The following RASA1 variants were observed in gnomAD, a reference collection of about 807,000 sequenced individuals.
The protein encoded by RASA1 is RAS p21 protein activator 1.
A neutral mutation model predicts 132.2 loss-of-function variants in RASA1; 25 were observed. The ratio of observed to expected loss-of-function variants is 0.19; its 90% CI spans 0.14 to 0.26. The LOEUF (loss-of-function observed/expected upper bound fraction) is 0.26. Among genes scored for constraint, RASA1 ranks in the 10% least tolerant of loss-of-function variants. The probability of loss-of-function intolerance (pLI) is 1.00; values close to 1 mark genes in which losing one functional copy is unlikely to be tolerated. For missense variants in RASA1, 964 were observed against 1,299.2 expected, an observed-to-expected ratio of 0.74 and a Z score of 3.97; for synonymous variants, 477 against 449.9, an observed-to-expected ratio of 1.06 and a Z score of -0.76.
intron 1 of RASA1, among the ~76,000 whole-genome samples, chr5:87,295,137 G>A (rs143208410): frequency 2.0e-4 from 31 of 152,158 alleles, no homozygotes; most frequent in Middle Eastern, 6.8e-3. Context: ...AGTTGGCTCC[G>A]TCTGAAATTA....
In RASA1 at chr5:87,287,133, A is replaced by ATATATATACACACCGTATATATACACTG. The variant is rs1374269206; in HGVS notation, c.539+18158_539+18185dup. Among the ~76,000 whole-genome samples, 7 of 144,690 alleles carry ATATATATACACACCGTATATATACACTG rather than the reference A, an allele frequency of 4.8e-5. No individual in the cohort carries two copies. In the East Asian group the frequency reaches 1.0e-3, roughly 21 times the overall value. The allele number at this position is 144,690 out of a possible 152,430, so 94.9% of individuals were successfully genotyped here. Reference sequence around the variant, plus strand: ...TACACACCATATATATACACACCATATATATATACACACCGTATATATACA... The same window carrying ATATATATACACACCGTATATATACACTG: ...TACACACCATATATATACACACCATATATATATACACACCGTATATATACACTGTATATATACACACCGTATATATACA... On this transcript the variant is annotated intron_variant, in intron 1 of 24. Transcript: ENST00000274376.
chr5:87,336,222 T>C (rs143499071), intron 4 of RASA1, among the ~76,000 whole-genome samples: 1,777 of 152,298 alleles, frequency 0.012, 20 homozygotes, highest in Non-Finnish European at 0.014. Flanking sequence ...TTTCATATTT[T>C]TAATGAGCTA....
At chr5:87,287,334 CACCATATATAT>C (rs1015210522) in intron 1 of RASA1, among the ~76,000 whole-genome samples, 1 of 146,490 alleles carries the variant, frequency 6.8e-6, no homozygotes, top group Non-Finnish European at 1.5e-5. Flanking sequence ...CATATATACA[CACCATATATAT>C]ACCATATATA....
At chr5:87,290,503 G>T (rs1754868732) in intron 1 of RASA1, among the ~76,000 whole-genome samples, 1 of 152,134 alleles carries the variant, frequency 6.6e-6, no homozygotes, top group Non-Finnish European at 1.5e-5. Context: ...TTGTCACCCA[G>T]TGTTCATAGT....
chr5:87,390,428 C>T (rs972920807), intron 24 of RASA1, among the ~76,000 whole-genome samples: 1 of 151,798 alleles, frequency 6.6e-6, no homozygotes, highest in African/African-American at 2.4e-5. Flanking sequence ...TCTCCCCGCC[C>T]CTCCCCCCGC....
intron 1 of RASA1, among the ~76,000 whole-genome samples, chr5:87,285,197 A>G (rs2112253259): frequency 6.6e-6 from 1 of 151,864 alleles, no homozygotes; most frequent in African/African-American, 2.4e-5. Flanking sequence ...CTTCCCAAGT[A>G]GCTGGGACTA....
At chr5:87,381,934 G>C (rs868464995) in intron 20 of RASA1, among the ~76,000 whole-genome samples, 1 of 152,106 alleles carries the variant, frequency 6.6e-6, no homozygotes, top group Non-Finnish European at 1.5e-5. Flanking sequence ...TTAAATTTGG[G>C]AAGTCCAAAA....
intron 6 of RASA1, among the ~76,000 whole-genome samples, chr5:87,345,264 TAGAA>T (rs1305614004): frequency 6.6e-6 from 1 of 152,202 alleles, no homozygotes; most frequent in Non-Finnish European, 1.5e-5. Flanking sequence ...GAAAACTCTT[TAGAA>T]AGAGATATTG....
chr5:87,298,730 G>A (rs902333418), intron 1 of RASA1, among the ~76,000 whole-genome samples: 13 of 152,244 alleles, frequency 8.5e-5, no homozygotes, highest in African/African-American at 3.1e-4. Flanking sequence ...AGTAAATGAT[G>A]CTTTATTTTC....
At chr5:87,370,969 C>T (rs1457175829) in intron 12 of RASA1, among the ~76,000 whole-genome samples, 1 of 152,038 alleles carries the variant, frequency 6.6e-6, no homozygotes, top group African/African-American at 2.4e-5. Context: ...TAAAATTTTA[C>T]GGCTATGTAT....
chr5:87,274,270 A>C (rs1180214039), intron 1 of RASA1, among the ~76,000 whole-genome samples: 1 of 152,222 alleles, frequency 6.6e-6, no homozygotes, highest in Non-Finnish European at 1.5e-5. Flanking sequence ...AGGAAAAGAA[A>C]ATAAGGAATG....
At chr5:87,362,015 A>T (rs1580353718) in intron 9 of RASA1, among the ~76,000 whole-genome samples, 1 of 152,146 alleles carries the variant, frequency 6.6e-6, no homozygotes, top group Admixed American at 6.5e-5. Flanking sequence ...CTGTGGATGG[A>T]TGGGTGTGGC....
At chr5:87,294,968 G>A (rs1755056630) in intron 1 of RASA1, among the ~76,000 whole-genome samples, 1 of 152,042 alleles carries the variant, frequency 6.6e-6, no homozygotes. Context: ...CTCTAATAGT[G>A]CATTTATGTA....
Position 87,268,258 on chromosome 5 carries a change from C to A in RASA1, c.-194C>A, listed in dbSNP as rs564886606. The A allele has an allele frequency of 3.2e-5, 26 of 820,074 alleles. No individual in the cohort carries two copies. The South Asian group carries it at 5.2e-4, about 16-fold the overall frequency. The allele number at this position is 820,074 out of a possible 1,614,324, so 50.8% of individuals were successfully genotyped here. On this transcript the variant is annotated 5_prime_UTR_variant, in exon 1 of 25. Transcript: ENST00000274376. The stretch of plus-strand genomic sequence containing the variant: ...TTTTTGCCCACTTGGCTTCCCGTAA[C>A]CCAGGCAGCTGGGGAGCCTGGGCTG...
At chr5:87,279,445 A>T (rs1194592640) in intron 1 of RASA1, among the ~76,000 whole-genome samples, 4 of 149,406 alleles carry the variant, frequency 2.7e-5, no homozygotes, top group South Asian at 2.1e-4. Context: ...TGGGTATTAT[A>T]AAAAAAAGCT....
chr5:87,287,550 CATAT>C (rs1245677494), intron 1 of RASA1, among the ~76,000 whole-genome samples: 1 of 139,962 alleles, frequency 7.1e-6, no homozygotes, highest in African/African-American at 2.7e-5. Context: ...ATATACACAC[CATAT>C]ATATACACCA....
intron 8 of RASA1, among the ~76,000 whole-genome samples, chr5:87,349,905 T>C (rs1323741167): frequency 2.0e-5 from 3 of 151,866 alleles, no homozygotes; most frequent in African/African-American, 7.2e-5. Flanking sequence ...AATAAGTTAA[T>C]AGAAGAAACC....
At chr5:87,368,102 G>A (rs1760658355) in intron 11 of RASA1, among the ~76,000 whole-genome samples, 1 of 151,730 alleles carries the variant, frequency 6.6e-6, no homozygotes, top group East Asian at 1.9e-4. Flanking sequence ...CAGTTGTTCT[G>A]CCACATTCCT....
rs1466630342 is a variant in RASA1 at position 87,331,383 on chromosome 5, A to G, written c.575A>G (p.Glu192Gly). Residue 192 changes from glutamate to glycine, a missense_variant, in exon 2 of 25, where the codon GAA becomes GGA. By Grantham distance (98) the Glu-to-Gly change is moderately conservative. Transcript: ENST00000274376. ...YHGKLDRTIAEERLRQAGKSG... is the reference protein window; with the variant it reads ...YHGKLDRTIAGERLRQAGKSG... Reference sequence around the variant, plus strand: ...GGAAAACTTGACAGAACGATAGCAGAAGAACGCCTCAGGCAGGCAGGGAAG... The same window carrying G: ...GGAAAACTTGACAGAACGATAGCAGGAGAACGCCTCAGGCAGGCAGGGAAG... 2 of 1,612,530 alleles carry G rather than the reference A, an allele frequency of 1.2e-6. No homozygotes were observed. Among genetic ancestry groups the G allele is most frequent in the Non-Finnish European group, 1.7e-6 (2 of 1,178,670 alleles).
Sources: gnomAD v4.1 joint callset for allele counts (sites outside exome capture counted in the v4.1 genomes callset) on GRCh38, gnomAD v4.1.1 for gene constraint, MANE v1.5 for transcripts, NCBI Gene and HGNC (gene_info 2026-07-23, HGNC 2026-07-21) for gene names.